Variants in SWAP70 observed in about 807,000 individuals in gnomAD.
SWAP70 encodes switch-associated protein 70.
In SWAP70, 34 loss-of-function variants were observed where a neutral mutation model predicts 80.2. The ratio of observed to expected loss-of-function variants is 0.42; its 90% CI spans 0.32 to 0.56. The LOEUF (loss-of-function observed/expected upper bound fraction) is 0.56. Among genes scored for constraint, SWAP70 ranks in the 20% least tolerant of loss-of-function variants. The pLI, the probability that SWAP70 is intolerant of heterozygous loss-of-function variation, is 0.09. For missense variants in SWAP70, 578 were observed against 690.7 expected, an observed-to-expected ratio of 0.84 and a Z score of 1.83; for synonymous variants, 239 against 238.5, an observed-to-expected ratio of 1.00 and a Z score of -0.02.
intron 7 of SWAP70, among the ~76,000 whole-genome samples, chr11:9,733,496 C>G (rs754873390): frequency 6.6e-6 from 1 of 152,196 alleles, no homozygotes; most frequent in South Asian, 2.1e-4. Flanking sequence ...ACATTGTGTG[C>G]TGAACTTCCT....
At chr11:9,666,456 T>A (rs146460875) in intron 1 of SWAP70, among the ~76,000 whole-genome samples, 107 of 152,160 alleles carry the variant, frequency 7.0e-4, no homozygotes, top group Admixed American at 2.7e-3. Context: ...GCTCTAGGAG[T>A]TAGAATATCC....
At chr11:9,714,247 A>G (rs2645024) in intron 3 of SWAP70, among the ~76,000 whole-genome samples, 15,513 of 151,612 alleles carry the variant, frequency 0.1, 1,530 homozygotes, top group African/African-American at 0.25. Context: ...TAATATACAC[A>G]ATTAAAATCA....
At chr11:9,679,100 T>C (rs1307320258) in intron 1 of SWAP70, among the ~76,000 whole-genome samples, 1 of 152,222 alleles carries the variant, frequency 6.6e-6, no homozygotes, top group Non-Finnish European at 1.5e-5. Flanking sequence ...TGTGTATACT[T>C]GAATTTCATA....
chr11:9,726,931 G>C, intron 4 of SWAP70: 1 of 456,268 alleles, frequency 2.2e-6, no homozygotes, highest in South Asian at 1.5e-5. Context: ...TCCTCCTTCA[G>C]AATATTGAGA....
At chr11:9,681,878 A>G (rs1850572121) in intron 1 of SWAP70, among the ~76,000 whole-genome samples, 1 of 152,232 alleles carries the variant, frequency 6.6e-6, no homozygotes, top group South Asian at 2.1e-4. Context: ...ATGATGAAAG[A>G]TTCAGAAAGT....
At chr11:9,723,771 CTTTTTTTTTT>C (rs34551025) in intron 3 of SWAP70, among the ~76,000 whole-genome samples, 5 of 124,608 alleles carry the variant, frequency 4.0e-5, no homozygotes, top group Admixed American at 8.2e-5. Flanking sequence ...TCCTTCTTTA[CTTTTTTTTTT>C]TTTTTTTTTT....
At chr11:9,734,308 C>T (rs747593221) in intron 7 of SWAP70, among the ~76,000 whole-genome samples, 14 of 152,048 alleles carry the variant, frequency 9.2e-5, no homozygotes, top group Non-Finnish European at 1.2e-4. Flanking sequence ...ATTTTAAGAC[C>T]GCATTCTTTG....
At chr11:9,739,081 C>CG in intron 8 of SWAP70, among the ~76,000 whole-genome samples, 1 of 152,182 alleles carries the variant, frequency 6.6e-6, no homozygotes, top group African/African-American at 2.4e-5. Context: ...GCAAGGATGG[C>CG]GGGGGTGAGA....
chr11:9,713,523 A>C lies in SWAP70; in HGVS notation c.298A>C (p.Lys100Gln). The part of the protein sequence containing the change: ...FNRMCWTLCV[K>Q]KNLTKNPLLI... ...TAGGATGTGTTGGACCCTCTGTGTCAAAAAAAACCTCACAAAGAATCCCCT... is the reference window on the plus strand; with the variant it reads ...TAGGATGTGTTGGACCCTCTGTGTCCAAAAAAACCTCACAAAGAATCCCCT... Residue 100 changes from lysine (K) to glutamine (Q), a missense_variant, in exon 3 of 12, where the codon AAA (lysine) becomes CAA (glutamine). Coordinates refer to ENST00000318950, the MANE Select transcript of SWAP70 (RefSeq NM_015055.4). 1 of 1,610,038 alleles carries C rather than the reference A, an allele frequency of 6.2e-7. No individual in the cohort carries two copies. The highest frequency in any genetic ancestry group is 8.5e-7 in the Non-Finnish European group (1 of 1,177,882).
intron 1 of SWAP70, among the ~76,000 whole-genome samples, chr11:9,693,871 C>A (rs992064316): frequency 4.0e-5 from 6 of 151,840 alleles, no homozygotes; most frequent in Admixed American, 3.9e-4. Context: ...TAGTAAAAGA[C>A]CACAGGAGTA....
intron 4 of SWAP70, among the ~76,000 whole-genome samples, chr11:9,727,521 G>A (rs1309375372): frequency 6.9e-6 from 1 of 145,432 alleles, no homozygotes; most frequent in Non-Finnish European, 1.5e-5. Context: ...CACTGCATCA[G>A]GCCTGATCGA....
Position 9,674,832 on chromosome 11 carries a change from G to A in SWAP70, c.99+10554G>A, listed in dbSNP as rs377764716. On this transcript the variant is annotated intron_variant, in intron 1 of 11. Coordinates refer to ENST00000318950, the MANE Select transcript of SWAP70 (RefSeq NM_015055.4). ...ACAAAAAAAGAAATTAGCTGGGCGT[G>A]GTGGCGGGCGGCTGTAGTCCCAGCT... 4.6e-5 allele frequency among the ~76,000 whole-genome samples: 7 copies of A among 152,028 alleles called. 1 individual carries two copies. The highest frequency in any genetic ancestry group is 1.7e-4 in the African/African-American group (7 of 41,448).
intron 6 of SWAP70, among the ~76,000 whole-genome samples, chr11:9,732,313 C>T (rs1329868559): frequency 1.3e-5 from 2 of 152,084 alleles, no homozygotes; most frequent in African/African-American, 4.8e-5. Context: ...GAAACTGATG[C>T]TGCAAGAGGT....
At chr11:9,745,118 C>G (rs1851495826) in intron 9 of SWAP70, among the ~76,000 whole-genome samples, 1 of 152,140 alleles carries the variant, frequency 6.6e-6, no homozygotes, top group South Asian at 2.1e-4. Flanking sequence ...ACAACAGTCC[C>G]TCTTACATTT....
chr11:9,738,232 C>G lies in SWAP70; in HGVS notation c.1100C>G (p.Ser367Cys). 6.2e-7 allele frequency: 1 copy of G among 1,609,206 alleles called. No individual in the cohort carries two copies. The highest frequency in any genetic ancestry group is 8.5e-7 in the Non-Finnish European group (1 of 1,177,814). ...GGCTAGAAACTGGAGGAAGCAGCAT[C>G]TCGTGCAGCAGAAGAGGAAAAGAAA... ...AVRKKLEEAA[S>C]RAAEEEKKRL... Residue 367 changes from serine to cysteine, a missense_variant, in exon 8 of 12, where the codon TCT (serine) becomes TGT (cysteine). Ser to Cys is a moderately radical substitution (Grantham distance 112). Transcript: ENST00000318950.
At chr11:9,695,925 A>C (rs1051051937) in intron 2 of SWAP70, among the ~76,000 whole-genome samples, 3 of 151,664 alleles carry the variant, frequency 2.0e-5, no homozygotes, top group Non-Finnish European at 4.4e-5. Flanking sequence ...GATTCCCATT[A>C]TTGGGACTGC....
chr11:9,687,547 C>G (rs1401558323), intron 1 of SWAP70, among the ~76,000 whole-genome samples: 1 of 152,012 alleles, frequency 6.6e-6, no homozygotes, highest in Admixed American at 6.6e-5. Context: ...CCAGTATTTT[C>G]TGTTTAGTTT....
At chr11:9,691,846 G>T (rs955437497) in intron 1 of SWAP70, among the ~76,000 whole-genome samples, 1 of 152,172 alleles carries the variant, frequency 6.6e-6, no homozygotes, top group South Asian at 2.1e-4. Context: ...AGAACAGGGT[G>T]GGTATGGGAG....
chr11:9,733,676 C>G (rs981843233), intron 7 of SWAP70, among the ~76,000 whole-genome samples: 19 of 152,172 alleles, frequency 1.2e-4, no homozygotes, highest in Non-Finnish European at 2.9e-5. Context: ...TGCATCTTGC[C>G]TCTTTCTGCT....
Sources: allele counts gnomAD v4.1 joint callset (sites outside exome capture counted in the v4.1 genomes callset), GRCh38; gene constraint gnomAD v4.1.1; transcripts MANE v1.5; gene names NCBI Gene and HGNC (gene_info 2026-07-23, HGNC 2026-07-21).